HCK: variants seen among roughly 807,000 people sequenced by gnomAD.
HCK encodes HCK proto-oncogene, Src family tyrosine kinase.
HCK carries 40 observed loss-of-function variants against 70.4 expected under a neutral mutation model. The ratio of observed to expected loss-of-function variants is 0.57; its 90% CI spans 0.44 to 0.74. HCK has a LOEUF of 0.74. Among genes scored for constraint, HCK ranks in the 30% least tolerant of loss-of-function variants. The pLI, the probability that HCK is intolerant of heterozygous loss-of-function variation, is 0.00. For missense variants in HCK, 568 were observed against 697.2 expected (o/e 0.81, Z 2.09); for synonymous variants, 245 against 263.2 (o/e 0.93, Z 0.67).
intron 1 of HCK, among the ~76,000 whole-genome samples, chr20:32,060,605 A>G (rs2122477095): frequency 6.6e-6 from 1 of 152,358 alleles, no homozygotes; most frequent in East Asian, 1.9e-4. Flanking sequence ...TGGGGACCTT[A>G]CTGTCATATC....
intron 8 of HCK, 82 bp from the exon 9 acceptor site, chr20:32,086,546 C>T (rs946702659): frequency 2.0e-5 from 23 of 1,137,244 alleles, no homozygotes; most frequent in East Asian, 2.7e-5. Flanking sequence ...CTGGAGGAGG[C>T]GGGTCTGCAG....
In HCK at chr20:32,084,119, CT is replaced by C. The variant is rs1033163300; in HGVS notation, c.682+77del. The C allele has an allele frequency of 5.6e-5, 82 of 1,468,938 alleles. No individual in the cohort carries two copies. In the African/African-American group the frequency reaches 9.5e-4, roughly 17 times the overall value. The allele number at this position is 1,468,938 out of a possible 1,614,324, so 91.0% of individuals were successfully genotyped here. ...CCTAGTCACGGATGCACTGTGGCCC[CT>C]GAGACCTGCTGTGTCCTTCTTGGCC... On this transcript the variant is annotated intron_variant, in intron 7 of 12. Transcript: ENST00000375852.
At chr20:32,078,374 T>G (rs192859052) in intron 5 of HCK, among the ~76,000 whole-genome samples, 2 of 151,998 alleles carry the variant, frequency 1.3e-5, no homozygotes, top group Admixed American at 6.6e-5. Context: ...CTTACATAGT[T>G]GAATATTTTA....
chr20:32,074,781 A>G, intron 5 of HCK, 60 bp downstream of exon 5: 1 of 1,192,698 alleles, frequency 8.4e-7, no homozygotes, highest in Non-Finnish European at 1.3e-6. Flanking sequence ...CCTTGTTTGC[A>G]ACTCAGGACG....
chr20:32,052,496 G>A lies in HCK; in HGVS notation c.62+10G>A. 7.9e-7 allele frequency: 1 copy of A among 1,264,252 alleles called. No homozygotes were observed. Among genetic ancestry groups the A allele is most frequent in the African/African-American group, 1.5e-5 (1 of 64,644 alleles). The allele number at this position is 1,264,252 out of a possible 1,614,324, so 78.3% of individuals were successfully genotyped here. The stretch of plus-strand genomic sequence containing the variant: ...AGGAGCGGGCGCCCAGGTGAGTGCC[G>A]CGCACAGGGGACCGGGAATACCCGG... On this transcript the variant is annotated intron_variant, in intron 1 of 12. Transcript: ENST00000375852.
intron 6 of HCK, 26 bp downstream of exon 6, chr20:32,079,903 C>A: frequency 1.3e-6 from 2 of 1,520,152 alleles, no homozygotes; most frequent in Non-Finnish European, 1.8e-6. Flanking sequence ...CCCACCTTGT[C>A]CTCCCTGCCG....
intron 1 of HCK, among the ~76,000 whole-genome samples, chr20:32,057,471 A>T (rs2045290221): frequency 6.6e-6 from 1 of 152,112 alleles, no homozygotes; most frequent in Non-Finnish European, 1.5e-5. Flanking sequence ...GTGGTGGCAC[A>T]TGGCTGTAGT....
At chr20:32,079,730 T>G (rs1346572675) in intron 5 of HCK, 44 bp from the exon 6 acceptor site, 1 of 1,378,914 alleles carries the variant, frequency 7.3e-7, no homozygotes, top group Non-Finnish European at 1.0e-6. Context: ...CGGACAGGAC[T>G]GCATGACCCC....
chr20:32,092,818 T>C (rs1184269259), intron 10 of HCK, among the ~76,000 whole-genome samples: 1 of 152,160 alleles, frequency 6.6e-6, no homozygotes, highest in African/African-American at 2.4e-5. Flanking sequence ...CCTAGAATAT[T>C]CTTATGCGAC....
chr20:32,096,795 C>T (rs1444828311), intron 11 of HCK, among the ~76,000 whole-genome samples: 1 of 152,126 alleles, frequency 6.6e-6, no homozygotes, highest in African/African-American at 2.4e-5. Flanking sequence ...AGCCACTATG[C>T]ACAGGCTGCA....
At chr20:32,088,680 G>C in intron 10 of HCK, 36 bp downstream of exon 10, 1 of 1,560,804 alleles carries the variant, frequency 6.4e-7, no homozygotes, top group Non-Finnish European at 8.8e-7. Context: ...AAGGGAAACA[G>C]GAATTCGATT....
chr20:32,094,795 A>T (rs1034502718), intron 11 of HCK, among the ~76,000 whole-genome samples: 6 of 22,938 alleles, frequency 2.6e-4, no homozygotes, highest in Non-Finnish European at 8.2e-4. Context: ...AAGAGAAAGA[A>T]AGAAAGAAAG....
At chr20:32,059,892 T>C (rs1484983042) in intron 1 of HCK, among the ~76,000 whole-genome samples, 1 of 152,124 alleles carries the variant, frequency 6.6e-6, no homozygotes, top group African/African-American at 2.4e-5. Context: ...AAAAATAAAA[T>C]ACATACCCTT....
intron 10 of HCK, 111 bp from the exon 11 acceptor site, chr20:32,093,752 G>A (rs2045896224): frequency 1.0e-6 from 1 of 996,018 alleles, no homozygotes; most frequent in Non-Finnish European, 1.5e-6. Context: ...GGGAGGGCTG[G>A]TGCAGACATT....
intron 1 of HCK, among the ~76,000 whole-genome samples, chr20:32,062,031 T>C (rs1987960): frequency 0.98 from 147,024 of 150,730 alleles, 71,725 homozygotes; most frequent in Middle Eastern, 1. Flanking sequence ...CCTCTGACTC[T>C]GGGGTTCAAG....
At position 32,080,302 on chromosome 20, in the gene HCK, G is replaced by A. The variant is rs561630206; in HGVS notation, c.532+425G>A. 7.2e-5 allele frequency among the ~76,000 whole-genome samples: 11 copies of A among 152,222 alleles called. No homozygotes were observed. In the South Asian group the frequency reaches 1.2e-3, roughly 17 times the overall value. Reference sequence around the variant, plus strand: ...CAACCTCCACCTCCCAGGTTTGAGCGATTCTCCTGCCTCAGCCTTCCAAGT... The same window carrying A: ...CAACCTCCACCTCCCAGGTTTGAGCAATTCTCCTGCCTCAGCCTTCCAAGT... On this transcript the variant is annotated intron_variant, in intron 6 of 12. Transcript: ENST00000375852.
intron 5 of HCK, among the ~76,000 whole-genome samples, chr20:32,075,831 A>T (rs1305723265): frequency 6.6e-6 from 1 of 152,086 alleles, no homozygotes; most frequent in African/African-American, 2.4e-5. Context: ...TGTATGGTGG[A>T]TGAGGTTGAT....
rs779036282 is a variant in HCK at position 32,084,398 on chromosome 20, C to G, written c.690C>G (p.Asn230Lys). 6.2e-7 allele frequency: 1 copy of G among 1,612,540 alleles called. No homozygotes were observed. The highest frequency in any genetic ancestry group is 1.7e-5 in the Admixed American group (1 of 59,822). ...CCAGGGACTCTGTTCCAGAGGGGAA[C>G]GACGGGCTCTGCCAGAAACTGTCGG... The change falls in exon 8 of 13, where the codon AAC becomes AAG. Residue 230 changes from asparagine to lysine, a missense_variant. Physicochemically the swap from Asn to Lys is moderately conservative, Grantham distance 94 (BLOSUM62 0). This residue lies in a region of HCK where 318 missense variants were observed against 336.0 expected (regional missense o/e 0.95). Transcript: ENST00000375852.
intron 1 of HCK, among the ~76,000 whole-genome samples, chr20:32,066,846 G>A (rs1022703227): frequency 6.6e-6 from 1 of 151,976 alleles, no homozygotes; most frequent in Admixed American, 6.6e-5. Flanking sequence ...CCTTCTATAT[G>A]GTGTAGAGTA....
Sources: allele counts gnomAD v4.1 joint callset (sites outside exome capture counted in the v4.1 genomes callset), GRCh38; gene constraint gnomAD v4.1.1; regional missense constraint gnomAD v4.1.1; transcripts MANE v1.5; gene names NCBI Gene and HGNC (gene_info 2026-07-23, HGNC 2026-07-21).